The following PKNOX2 variants were observed in gnomAD, a reference collection of about 807,000 sequenced individuals.
PKNOX2 encodes homeobox protein PKNOX2.
In PKNOX2, 14 loss-of-function variants were observed where a neutral mutation model predicts 53.1. That is an observed-to-expected ratio of 0.26 (90% CI 0.17 to 0.41). PKNOX2 has a LOEUF of 0.41. Among genes scored for constraint, PKNOX2 ranks in the 10% least tolerant of loss-of-function variants. The probability of loss-of-function intolerance (pLI) is 1.00; values close to 1 mark genes in which losing one functional copy is unlikely to be tolerated. For synonymous variants in PKNOX2, 257 were observed against 242.8 expected, an observed-to-expected ratio of 1.06 and a Z score of -0.54; for missense variants, 496 against 602.8, an observed-to-expected ratio of 0.82 and a Z score of 1.85.
intron 2 of PKNOX2, among the ~76,000 whole-genome samples, chr11:125,281,869 C>T (rs2135854330): frequency 6.6e-6 from 1 of 152,310 alleles, no homozygotes; most frequent in African/African-American, 2.4e-5. Context: ...TAGATCAACT[C>T]AGCCCTCTGA....
In PKNOX2 at chr11:125,345,984, G is replaced by A. The variant is rs111335344; in HGVS notation, c.-22-5300G>A. Among the ~76,000 whole-genome samples the A allele has an allele frequency of 4.8e-3, 725 of 152,274 alleles. 2 individuals are homozygous for A. Among genetic ancestry groups the A allele is most frequent in the Non-Finnish European group, 7.6e-3 (516 of 68,028 alleles). ...GGCCAGAGAAGATCATTTTGGACGC[G>A]GCGTTGGGGCTGAGGGAAAAAGAGA... On this transcript the variant is annotated intron_variant, in intron 3 of 12. Coordinates refer to ENST00000298282, the MANE Select transcript of PKNOX2 (RefSeq NM_001382323.2).
chr11:125,273,626 A>C (rs1043710813), intron 2 of PKNOX2, among the ~76,000 whole-genome samples: 3 of 152,178 alleles, frequency 2.0e-5, no homozygotes, highest in Admixed American at 6.5e-5. Flanking sequence ...AGGTCTGGGC[A>C]CTTTGCCTTC....
chr11:125,252,143 C>G (rs1944052539), intron 2 of PKNOX2, among the ~76,000 whole-genome samples: 1 of 152,186 alleles, frequency 6.6e-6, no homozygotes. Context: ...GGGATCAGGG[C>G]TGATACCTGA....
At chr11:125,181,424 T>A (rs1254485281) in intron 1 of PKNOX2, among the ~76,000 whole-genome samples, 1 of 152,200 alleles carries the variant, frequency 6.6e-6, no homozygotes, top group Non-Finnish European at 1.5e-5. Context: ...AAGCAGAATG[T>A]TTGGATAGCA....
intron 2 of PKNOX2, among the ~76,000 whole-genome samples, chr11:125,241,995 A>G (rs1172582386): frequency 1.3e-5 from 2 of 152,236 alleles, no homozygotes; most frequent in Admixed American, 6.5e-5. Context: ...ATGGATGGTG[A>G]AGGTGGAGGG....
chr11:125,305,155 T>C (rs1948347036), intron 2 of PKNOX2, among the ~76,000 whole-genome samples: 1 of 152,196 alleles, frequency 6.6e-6, no homozygotes, highest in African/African-American at 2.4e-5. Context: ...CCAGATGATC[T>C]GGGTGGGCAG....
intron 2 of PKNOX2, among the ~76,000 whole-genome samples, chr11:125,250,893 T>C (rs778370055): frequency 1.3e-5 from 2 of 152,218 alleles, no homozygotes; most frequent in Non-Finnish European, 2.9e-5. Flanking sequence ...CAGGGCAGAA[T>C]GGGGCTGGGC....
Position 125,410,407 on chromosome 11 carries a change from G to A in PKNOX2, c.718+82G>A. 4 of 1,569,790 alleles carry A rather than the reference G, an allele frequency of 2.5e-6. No individual in the cohort carries two copies. In the African/African-American group the frequency reaches 4.0e-5, roughly 16 times the overall value. ...GGCCCCGAGGCGGTTCCAGGGGTGG[G>A]GGTTGTCCTCCACCGAGGGAGGGGC... On this transcript the variant is annotated intron_variant, in intron 8 of 12. Coordinates refer to ENST00000298282, the MANE Select transcript of PKNOX2 (RefSeq NM_001382323.2).
intron 10 of PKNOX2, among the ~76,000 whole-genome samples, chr11:125,419,641 A>G (rs1591566526): frequency 6.6e-6 from 1 of 151,820 alleles, no homozygotes; most frequent in East Asian, 1.9e-4. Context: ...ATCCCTGTAC[A>G]AAGCAATGAC....
Position 125,386,541 on chromosome 11 carries a change from G to T in PKNOX2, c.399+819G>T, listed in dbSNP as rs546914246. ...ATTAACCACAATTCTTTATTTTTGTGGGTGGATTACCGAGGTTATGCACAG... is the reference window on the plus strand; with the variant it reads ...ATTAACCACAATTCTTTATTTTTGTTGGTGGATTACCGAGGTTATGCACAG... On this transcript the variant is annotated intron_variant, in intron 6 of 12. Coordinates refer to ENST00000298282, the MANE Select transcript of PKNOX2 (RefSeq NM_001382323.2). Among the ~76,000 whole-genome samples the T allele has an allele frequency of 2.0e-3, 302 of 152,164 alleles. 2 individuals carry two copies. The highest frequency in any genetic ancestry group is 6.9e-3 in the African/African-American group (286 of 41,484).
At chr11:125,411,233 CACCTA>C (rs1296514847) in intron 9 of PKNOX2, 2 of 309,364 alleles carry the variant, frequency 6.5e-6, no homozygotes, top group Non-Finnish European at 1.2e-5. Flanking sequence ...TCTGATAAGT[CACCTA>C]ACCTCTCTGA....
At chr11:125,376,840 G>A (rs527421674) in intron 5 of PKNOX2, among the ~76,000 whole-genome samples, 6 of 152,190 alleles carry the variant, frequency 3.9e-5, no homozygotes, top group Admixed American at 2.0e-4. Flanking sequence ...GTGCACAAAC[G>A]ACTGTGCTTA....
chr11:125,260,990 C>A (rs1399887098), intron 2 of PKNOX2, among the ~76,000 whole-genome samples: 1 of 152,148 alleles, frequency 6.6e-6, no homozygotes, highest in Non-Finnish European at 1.5e-5. Flanking sequence ...TCCTGGGCCC[C>A]TTTTTCCCCA....
chr11:125,218,418 C>T lies in PKNOX2; in HGVS notation c.-200-16627C>T, dbSNP rs117687290. The stretch of plus-strand genomic sequence containing the variant: ...CTGCGTGGCAGTGATGGGGGGGGGA[C>T]AGGAACTTGTTCCAAAATTTGCTGG... On this transcript the variant is annotated intron_variant, in intron 1 of 12. Transcript: ENST00000298282. 8.6e-3 allele frequency among the ~76,000 whole-genome samples: 1,299 copies of T among 151,264 alleles called. 9 individuals carry two copies. Among genetic ancestry groups the T allele is most frequent in the Non-Finnish European group, 0.014 (926 of 67,820 alleles).
At chr11:125,379,108 T>G (rs543128223) in intron 5 of PKNOX2, among the ~76,000 whole-genome samples, 88 of 150,620 alleles carry the variant, frequency 5.8e-4, no homozygotes, top group Admixed American at 9.3e-4. Flanking sequence ...TCGCCCAGGC[T>G]GGAGTTCAGT....
chr11:125,313,929 C>A (rs75888646), intron 2 of PKNOX2, among the ~76,000 whole-genome samples: 1 of 152,134 alleles, frequency 6.6e-6, no homozygotes, highest in African/African-American at 2.4e-5. Context: ...TAGTACTTAC[C>A]GCACAGGATG....
intron 2 of PKNOX2, among the ~76,000 whole-genome samples, chr11:125,306,393 C>T (rs1565492826): frequency 6.6e-6 from 1 of 152,212 alleles, no homozygotes; most frequent in Non-Finnish European, 1.5e-5. Context: ...TTGAAGTCCA[C>T]TTCTACTCCC....
intron 2 of PKNOX2, among the ~76,000 whole-genome samples, chr11:125,265,045 C>T (rs185676798): frequency 3.5e-4 from 54 of 152,228 alleles, no homozygotes; most frequent in African/African-American, 1.2e-3. Flanking sequence ...TCCCAGCACT[C>T]TGGGAGGCGA....
At chr11:125,311,137 T>A (rs1948777221) in intron 2 of PKNOX2, among the ~76,000 whole-genome samples, 1 of 152,198 alleles carries the variant, frequency 6.6e-6, no homozygotes. Flanking sequence ...TTTTTACTCT[T>A]CCATGCCTTG....
Sources: allele counts gnomAD v4.1 joint callset (sites outside exome capture counted in the v4.1 genomes callset), GRCh38; gene constraint gnomAD v4.1.1; transcripts MANE v1.5; gene names NCBI Gene and HGNC (gene_info 2026-07-23, HGNC 2026-07-21).